KMT2C: variants seen among roughly 807,000 people sequenced by gnomAD.
KMT2C encodes histone-lysine N-methyltransferase 2C.
KMT2C carries 88 observed loss-of-function variants against 507.9 expected under a neutral mutation model. That is an observed-to-expected ratio of 0.17 (90% CI 0.15 to 0.21). The LOEUF (loss-of-function observed/expected upper bound fraction) is 0.21. Among genes scored for constraint, KMT2C ranks in the 10% least tolerant of loss-of-function variants. KMT2C has a pLI of 1.00. For synonymous variants in KMT2C, 2,049 were observed against 2,080.8 expected (o/e 0.98, Z 0.42); for missense variants, 4,954 against 5,957.8 (o/e 0.83, Z 5.55).
chr7:152,398,199 G>T (rs891689012), intron 1 of KMT2C, among the ~76,000 whole-genome samples: 2 of 152,138 alleles, frequency 1.3e-5, no homozygotes, highest in Non-Finnish European at 2.9e-5. Context: ...GTTTCTCACC[G>T]TTGAAATATT....
intron 31 of KMT2C, among the ~76,000 whole-genome samples, chr7:152,192,412 G>A (rs928199567): frequency 2.0e-5 from 3 of 152,002 alleles, no homozygotes; most frequent in African/African-American, 7.2e-5. Flanking sequence ...CACAGTGGCA[G>A]GCACCTGTAA....
intron 7 of KMT2C, among the ~76,000 whole-genome samples, chr7:152,268,655 C>T (rs112417331): frequency 1.3e-5 from 2 of 152,004 alleles, no homozygotes; most frequent in Non-Finnish European, 2.9e-5. Flanking sequence ...AAGACAGTAC[C>T]AGTATTTATC....
rs1399251301 is a variant in KMT2C, at chr7:152,174,257, T to C, written c.9263-15A>G. Reference sequence around the variant, plus strand: ...TGCATCAAAATCTAGAAAAGAAATATAAAGTTACTTATTTCATAGTAATTA... The same window carrying C: ...TGCATCAAAATCTAGAAAAGAAATACAAAGTTACTTATTTCATAGTAATTA... On this transcript the variant is annotated splice_polypyrimidine_tract_variant and intron_variant, in intron 38 of 58. Coordinates refer to ENST00000262189, the MANE Select transcript of KMT2C (RefSeq NM_170606.3). The C allele has an allele frequency of 6.1e-6, 8 of 1,310,526 alleles. No homozygotes were observed. Among genetic ancestry groups the C allele is most frequent in the African/African-American group, 1.5e-5 (1 of 68,398 alleles). 81.2% of individuals were successfully genotyped at this position (1,310,526 alleles called of 1,614,324 possible). A position where few individuals can be genotyped will look rare whatever the true frequency, so the allele number is the denominator to read the frequency against.
At chr7:152,187,174 A>T in intron 33 of KMT2C, 88 bp downstream of exon 33, 1 of 1,025,166 alleles carries the variant, frequency 9.8e-7, no homozygotes, top group Non-Finnish European at 1.5e-6. Context: ...AAATTAGTTA[A>T]GCTACCTTTC....
At chr7:152,272,034 C>T (rs1423869276) in intron 7 of KMT2C, among the ~76,000 whole-genome samples, 2 of 152,020 alleles carry the variant, frequency 1.3e-5, no homozygotes, top group Non-Finnish European at 2.9e-5. Context: ...TTTATCCTAT[C>T]TAAATTTTCC....
intron 42 of KMT2C, among the ~76,000 whole-genome samples, chr7:152,164,491 G>C (rs559441935): frequency 1.3e-5 from 2 of 151,596 alleles, no homozygotes; most frequent in African/African-American, 4.9e-5. Flanking sequence ...GGGTTTCACC[G>C]TGTTAGCCAG....
chr7:152,157,192 G>A (rs541074343), intron 44 of KMT2C, among the ~76,000 whole-genome samples: 2 of 151,678 alleles, frequency 1.3e-5, no homozygotes, highest in Non-Finnish European at 2.9e-5. Flanking sequence ...TCAGGGTGTG[G>A]TGGTGCATGC....
intron 9 of KMT2C, among the ~76,000 whole-genome samples, chr7:152,255,538 A>C (rs561151925): frequency 1.3e-5 from 2 of 152,092 alleles, no homozygotes; most frequent in African/African-American, 4.8e-5. Context: ...TGGTGATCCT[A>C]AAGTTTATAC....
chr7:152,350,143 G>A (rs1442734285), intron 2 of KMT2C, among the ~76,000 whole-genome samples: 9 of 152,084 alleles, frequency 5.9e-5, no homozygotes, highest in African/African-American at 2.2e-4. Context: ...CCAGCTACTC[G>A]GGAGGCTGAG....
chr7:152,253,527 A>C (rs2095597127), intron 9 of KMT2C, among the ~76,000 whole-genome samples: 1 of 148,030 alleles, frequency 6.8e-6, no homozygotes, highest in African/African-American at 2.6e-5. Context: ...AAAAAAAAAA[A>C]AAAAAAAAAA....
intron 3 of KMT2C, among the ~76,000 whole-genome samples, chr7:152,330,074 T>C (rs113505983): frequency 1.4e-4 from 18 of 131,064 alleles, no homozygotes; most frequent in South Asian, 2.5e-4. Context: ...AACCAGGGAA[T>C]TGGAGGTTGC....
At chr7:152,187,678 G>A in intron 32 of KMT2C, 37 bp downstream of exon 32, 3 of 1,592,856 alleles carry the variant, frequency 1.9e-6, no homozygotes, top group Non-Finnish European at 2.6e-6. Flanking sequence ...ACAGAAATTA[G>A]TGCAATTTAA....
rs139952042 is a variant in KMT2C, at chr7:152,238,327, C to T, written c.2652+380G>A. Reference sequence around the variant, plus strand: ...GGTATTAACCAGACAATGAAATATGCCACAATTTTGGTATTTCTTCTCCAT... The same window carrying T: ...GGTATTAACCAGACAATGAAATATGTCACAATTTTGGTATTTCTTCTCCAT... On this transcript the variant is annotated intron_variant, in intron 15 of 58. Coordinates refer to ENST00000262189, the MANE Select transcript of KMT2C (RefSeq NM_170606.3). 6.4e-4 allele frequency among the ~76,000 whole-genome samples: 98 copies of T among 152,174 alleles called. No individual in the cohort carries two copies. The East Asian group carries it at 0.017, about 26-fold the overall frequency.
chr7:152,332,504 C>T (rs1347494334), intron 2 of KMT2C, among the ~76,000 whole-genome samples: 1 of 152,140 alleles, frequency 6.6e-6, no homozygotes, highest in East Asian at 1.9e-4. Context: ...ACTCTACTAC[C>T]TTCCCCTTCA....
intron 6 of KMT2C, among the ~76,000 whole-genome samples, chr7:152,301,185 G>C (rs1428884930): frequency 1.4e-5 from 2 of 141,866 alleles, no homozygotes; most frequent in East Asian, 4.1e-4. Context: ...AACAGAGCAA[G>C]ACCCTGTCTC....
rs2129098828 is a variant in KMT2C, at chr7:152,154,413, G to A, written c.11993C>T (p.Pro3998Leu). 1 of 1,613,872 alleles carries A rather than the reference G, an allele frequency of 6.2e-7. No individual in the cohort carries two copies. The highest frequency in any genetic ancestry group is 8.5e-7 in the Non-Finnish European group (1 of 1,179,984). Residue 3998 changes from proline to leucine, a missense_variant, in exon 47 of 59, where the codon CCT (proline) becomes CTT (leucine). By Grantham distance (98) the Pro-to-Leu change is moderately conservative. Around this residue, in one of 29 missense-constraint regions of KMT2C, gnomAD observed 104 missense variants for 134.3 expected, o/e 0.77. Transcript: ENST00000262189. ...IQDHCGDRDT[P>L]DSFVPSSSPE... Reference sequence around the variant, plus strand: ...AGAGGATGAGGGAACAAAACTGTCAGGAGTATCTCGATCACCACAGTGATC... The same window carrying A: ...AGAGGATGAGGGAACAAAACTGTCAAGAGTATCTCGATCACCACAGTGATC...
chr7:152,361,854 C>G (rs909792070), intron 1 of KMT2C, among the ~76,000 whole-genome samples: 5 of 152,036 alleles, frequency 3.3e-5, no homozygotes, highest in Admixed American at 1.3e-4. Flanking sequence ...AAATTGGTAA[C>G]TAATCATTAG....
At chr7:152,332,196 C>T (rs1019054760) in intron 2 of KMT2C, among the ~76,000 whole-genome samples, 17 of 152,114 alleles carry the variant, frequency 1.1e-4, no homozygotes, top group Admixed American at 5.2e-4. Flanking sequence ...GGCAGCCTAA[C>T]AGCTGAGAGG....
At chr7:152,298,192 C>T (rs2096533841) in intron 6 of KMT2C, among the ~76,000 whole-genome samples, 1 of 151,826 alleles carries the variant, frequency 6.6e-6, no homozygotes, top group Admixed American at 6.6e-5. Flanking sequence ...ATGCAGGTAA[C>T]TGGAGTCCCC....
Sources: allele counts gnomAD v4.1 joint callset (sites outside exome capture counted in the v4.1 genomes callset), GRCh38; gene constraint gnomAD v4.1.1; regional missense constraint gnomAD v4.1.1; transcripts MANE v1.5; gene names NCBI Gene and HGNC (gene_info 2026-07-23, HGNC 2026-07-21).